The following MAP4K3 variants were observed in gnomAD, a reference collection of about 807,000 sequenced individuals.
MAP4K3 encodes MAPK/ERK kinase kinase kinase 3.
Under a neutral mutation model 143.5 loss-of-function variants are expected in MAP4K3, and 94 were observed. The observed-to-expected ratio is 0.65, with a 90% CI of 0.55 to 0.78. The LOEUF is 0.78. MAP4K3 is among the 30% of genes least tolerant of loss of function. The pLI is 0.00. For missense variants in MAP4K3, 1,077 were observed against 1,068.1 expected (o/e 1.01, Z -0.12); for synonymous variants, 416 against 347.2 (o/e 1.20, Z -2.20).
chr2:39,357,081 G>C (rs1665632416), intron 2 of MAP4K3, among the ~76,000 whole-genome samples: 1 of 152,164 alleles, frequency 6.6e-6, no homozygotes, highest in African/African-American at 2.4e-5. Context: ...ATTTTAGCCT[G>C]GTCAGACTAT....
At chr2:39,387,584 T>C (rs1666542053) in intron 1 of MAP4K3, among the ~76,000 whole-genome samples, 1 of 152,162 alleles carries the variant, frequency 6.6e-6, no homozygotes, top group African/African-American at 2.4e-5. Context: ...GAAACCATGC[T>C]ATGTGCCAGT....
At chr2:39,268,634 A>ACTTTTT (rs1680877205) in intron 26 of MAP4K3, among the ~76,000 whole-genome samples, 1 of 73,772 alleles carries the variant, frequency 1.4e-5, no homozygotes. Context: ...GATTTTTTCT[A>ACTTTTT]TTTTTTTTTT....
intron 2 of MAP4K3, among the ~76,000 whole-genome samples, chr2:39,361,131 T>C (rs72927125): frequency 0.028 from 4,239 of 152,218 alleles, 204 homozygotes; most frequent in African/African-American, 0.097. Flanking sequence ...CTCAGGCAAA[T>C]CTGTCTGTCT....
Position 39,290,321 on chromosome 2 carries a change from C to A in MAP4K3, c.1285G>T (p.Ala429Ser). ...DDESKHSTLKAKIPPPLPPKP... is the reference protein window; with the variant it reads ...DDESKHSTLKSKIPPPLPPKP... The stretch of plus-strand genomic sequence containing the variant: ...GGTGGCAAAGGAGGTGGAATTTTTG[C>A]TTTCAGAGTTGAGCTAAAAACAGAA... Residue 429 changes from alanine to serine, a missense_variant, in exon 19 of 34, where the codon GCA (alanine) becomes TCA (serine). Around this residue, in one of 2 missense-constraint regions of MAP4K3, gnomAD observed 864 missense variants for 801.2 expected, o/e 1.08. Coordinates refer to ENST00000263881, the MANE Select transcript of MAP4K3 (RefSeq NM_003618.4). 1.2e-6 allele frequency: 2 copies of A among 1,606,702 alleles called. No individual in the cohort carries two copies. Among genetic ancestry groups the A allele is most frequent in the Non-Finnish European group, 8.5e-7 (1 of 1,176,760 alleles).
At chr2:39,271,258 T>G (rs187528321) in intron 26 of MAP4K3, among the ~76,000 whole-genome samples, 61 of 152,310 alleles carry the variant, frequency 4.0e-4, no homozygotes, top group African/African-American at 1.3e-3. Context: ...GTCTCATTTA[T>G]ACATGGGACA....
At chr2:39,317,151 A>C (rs1683139085) in intron 12 of MAP4K3, among the ~76,000 whole-genome samples, 2 of 152,292 alleles carry the variant, frequency 1.3e-5, no homozygotes, top group Admixed American at 1.3e-4. Context: ...GACAAAAAGA[A>C]GCAATGGGGA....
chr2:39,285,146 C>G (rs1028788829), intron 21 of MAP4K3, among the ~76,000 whole-genome samples: 21 of 152,060 alleles, frequency 1.4e-4, no homozygotes, highest in African/African-American at 5.1e-4. Context: ...CTTGCCTTTT[C>G]CACTGAAAGC....
At chr2:39,285,133 C>A (rs1310482012) in intron 21 of MAP4K3, among the ~76,000 whole-genome samples, 1 of 152,052 alleles carries the variant, frequency 6.6e-6, no homozygotes, top group Non-Finnish European at 1.5e-5. Flanking sequence ...CTCAAGTGAT[C>A]CCCTTGCCTT....
At chr2:39,356,725 T>C (rs554262178) in intron 2 of MAP4K3, among the ~76,000 whole-genome samples, 4 of 152,228 alleles carry the variant, frequency 2.6e-5, no homozygotes, top group Non-Finnish European at 5.9e-5. Flanking sequence ...TGTAAAATGC[T>C]TAGAACAGTG....
chr2:39,362,972 G>C (rs979744181), intron 2 of MAP4K3, among the ~76,000 whole-genome samples: 1 of 152,174 alleles, frequency 6.6e-6, no homozygotes, highest in African/African-American at 2.4e-5. Flanking sequence ...CAAAGGTGCT[G>C]GGAAAAACTG....
chr2:39,362,650 C>A (rs1459669136), intron 2 of MAP4K3, among the ~76,000 whole-genome samples: 1 of 152,154 alleles, frequency 6.6e-6, no homozygotes, highest in Non-Finnish European at 1.5e-5. Context: ...TCAATGTAAT[C>A]TGGAGAACAA....
intron 1 of MAP4K3, among the ~76,000 whole-genome samples, chr2:39,393,533 T>A (rs1666724428): frequency 6.6e-6 from 1 of 152,232 alleles, no homozygotes; most frequent in Non-Finnish European, 1.5e-5. Flanking sequence ...AAAATTTTAA[T>A]TTTTTAAAAT....
At position 39,258,308 on chromosome 2, in the gene MAP4K3, A is replaced by C. The variant is rs773050094; in HGVS notation, c.2470+40T>G. 3.3e-6 allele frequency: 4 copies of C among 1,218,234 alleles called. No individual in the cohort carries two copies. The East Asian group carries it at 9.4e-5, about 29-fold the overall frequency. The allele number at this position is 1,218,234 out of a possible 1,614,324, so 75.5% of individuals were successfully genotyped here. A position where few individuals can be genotyped will look rare whatever the true frequency, so the allele number is the denominator to read the frequency against. ...GATAATTAGCAGATAAATTATTTTAAGGAGTTCATAATGCAAAGAATTATA... is the reference window on the plus strand; with the variant it reads ...GATAATTAGCAGATAAATTATTTTACGGAGTTCATAATGCAAAGAATTATA... On this transcript the variant is annotated intron_variant, in intron 31 of 33. Coordinates refer to ENST00000263881, the MANE Select transcript of MAP4K3 (RefSeq NM_003618.4).
intron 13 of MAP4K3, among the ~76,000 whole-genome samples, chr2:39,311,012 A>G (rs762693891): frequency 9.2e-5 from 14 of 152,200 alleles, no homozygotes; most frequent in Non-Finnish European, 1.5e-4. Context: ...ACAAAATTAT[A>G]TGTGTGTACA....
chr2:39,346,189 T>C (rs181275368), intron 3 of MAP4K3, among the ~76,000 whole-genome samples: 311 of 152,312 alleles, frequency 2.0e-3, no homozygotes, highest in African/African-American at 7.2e-3. Flanking sequence ...CCCCAGAGAA[T>C]GTAACCACTA....
At chr2:39,402,404 G>A (rs1233498913) in intron 1 of MAP4K3, among the ~76,000 whole-genome samples, 1 of 152,026 alleles carries the variant, frequency 6.6e-6, no homozygotes, top group Non-Finnish European at 1.5e-5. Context: ...GAACCTTCAT[G>A]AACTCCCAGC....
intron 24 of MAP4K3, among the ~76,000 whole-genome samples, chr2:39,274,800 C>T (rs1681177898): frequency 6.6e-6 from 1 of 152,114 alleles, no homozygotes; most frequent in South Asian, 2.1e-4. Flanking sequence ...AAACAAGATA[C>T]TCCTTGTAAA....
chr2:39,281,902 G>A (rs1227299698), intron 22 of MAP4K3, among the ~76,000 whole-genome samples: 3 of 151,674 alleles, frequency 2.0e-5, no homozygotes, highest in Non-Finnish European at 4.4e-5. Context: ...AGAATTTAAA[G>A]GTAAAAAACG....
At chr2:39,429,855 TG>T (rs1385293433) in intron 1 of MAP4K3, among the ~76,000 whole-genome samples, 4 of 152,196 alleles carry the variant, frequency 2.6e-5, no homozygotes, top group Non-Finnish European at 5.9e-5. Flanking sequence ...GAGGTATTGG[TG>T]AAAGTATAGA....
Sources: gnomAD v4.1 joint callset for allele counts (sites outside exome capture counted in the v4.1 genomes callset) on GRCh38, gnomAD v4.1.1 for gene constraint, gnomAD v4.1.1 regional missense constraint, MANE v1.5 for transcripts, NCBI Gene and HGNC (gene_info 2026-07-23, HGNC 2026-07-21) for gene names.